The following FBXW11 variants were observed in gnomAD, a reference collection of about 807,000 sequenced individuals.
FBXW11 encodes the protein F-box and WD repeat domain containing 11, also known as F-box/WD repeat-containing protein 11.
FBXW11 carries 19 observed loss-of-function variants against 77.6 expected under a neutral mutation model. That is an observed-to-expected ratio of 0.24 (90% CI 0.17 to 0.36). The LOEUF is 0.36. Among genes scored for constraint, FBXW11 ranks in the 10% least tolerant of loss-of-function variants. FBXW11 has a pLI of 1.00. For synonymous variants in FBXW11, 235 were observed against 249.4 expected (o/e 0.94, Z 0.54); for missense variants, 334 against 704.2 (o/e 0.47, Z 5.95).
At chr5:171,998,895 T>C (rs1471458156) in intron 1 of FBXW11, among the ~76,000 whole-genome samples, 2 of 151,620 alleles carry the variant, frequency 1.3e-5, no homozygotes, top group Non-Finnish European at 2.9e-5. Context: ...TGACAAAGAA[T>C]CTCAAATCCA....
At chr5:171,871,691 G>A (rs1191507368) in intron 10 of FBXW11, among the ~76,000 whole-genome samples, 2 of 152,172 alleles carry the variant, frequency 1.3e-5, no homozygotes, top group Admixed American at 1.3e-4. Context: ...AAAATAAAGT[G>A]AGCAAATTAA....
At chr5:171,969,200 A>G (rs566808284) in intron 1 of FBXW11, among the ~76,000 whole-genome samples, 2 of 152,344 alleles carry the variant, frequency 1.3e-5, no homozygotes, top group South Asian at 2.1e-4. Flanking sequence ...CCCAGGAGGC[A>G]GAGGTTGCAG....
intron 1 of FBXW11, among the ~76,000 whole-genome samples, chr5:172,001,140 T>C (rs950536500): frequency 6.6e-6 from 1 of 152,202 alleles, no homozygotes; most frequent in Non-Finnish European, 1.5e-5. Context: ...ACCTTTGTCT[T>C]AAGATATTCA....
chr5:171,967,055 C>T (rs1407658933), intron 1 of FBXW11, among the ~76,000 whole-genome samples: 1 of 152,174 alleles, frequency 6.6e-6, no homozygotes, highest in African/African-American at 2.4e-5. Flanking sequence ...CTTCCTTTAC[C>T]TGACATTAAA....
chr5:171,932,140 G>C (rs1175368095), intron 2 of FBXW11, among the ~76,000 whole-genome samples: 1 of 152,086 alleles, frequency 6.6e-6, no homozygotes, highest in Non-Finnish European at 1.5e-5. Flanking sequence ...CTCCCAAAGT[G>C]CTGGGATTAT....
rs1316479589 is a variant in FBXW11, at chr5:171,863,785, T to C, written c.*342A>G. 6.5e-6 allele frequency: 1 copy of C among 152,678 alleles called. No individual in the cohort carries two copies. Among genetic ancestry groups the C allele is most frequent in the Admixed American group, 6.5e-5 (1 of 15,288 alleles). The allele number at this position is 152,678 out of a possible 1,614,324, so 9.5% of individuals were successfully genotyped here. ...AGCAATATAAATTAGAGGCCAAGTCTTCTCTTGACGGTCGATTTACTTCTG... is the reference window on the plus strand; with the variant it reads ...AGCAATATAAATTAGAGGCCAAGTCCTCTCTTGACGGTCGATTTACTTCTG... On this transcript the variant is annotated 3_prime_UTR_variant, in exon 14 of 14. Coordinates refer to ENST00000517395, the MANE Select transcript of FBXW11 (RefSeq NM_001378974.1).
chr5:171,873,933 C>T (rs930878470), intron 9 of FBXW11, among the ~76,000 whole-genome samples: 3 of 152,146 alleles, frequency 2.0e-5, no homozygotes, highest in Admixed American at 6.5e-5. Flanking sequence ...TGGACCCCTA[C>T]CTCATACCTT....
At chr5:171,933,772 G>A (rs958887540) in intron 2 of FBXW11, among the ~76,000 whole-genome samples, 19 of 152,060 alleles carry the variant, frequency 1.2e-4, no homozygotes, top group Admixed American at 7.9e-4. Flanking sequence ...CTTAAGCTAG[G>A]AATCTTATCA....
chr5:171,994,138 G>C (rs1017328211), intron 1 of FBXW11, among the ~76,000 whole-genome samples: 1 of 152,142 alleles, frequency 6.6e-6, no homozygotes, highest in African/African-American at 2.4e-5. Flanking sequence ...AGAATATATA[G>C]TTTTAGTCTT....
intron 7 of FBXW11, among the ~76,000 whole-genome samples, chr5:171,878,593 A>T (rs890144508): frequency 2.9e-4 from 17 of 59,490 alleles, no homozygotes; most frequent in East Asian, 7.9e-4. Flanking sequence ...TGTGTGTGTA[A>T]GAGAGAGAGA....
intron 6 of FBXW11, among the ~76,000 whole-genome samples, chr5:171,893,480 G>A (rs1444476499): frequency 2.6e-5 from 3 of 115,818 alleles, no homozygotes; most frequent in Admixed American, 1.1e-4. Context: ...CTCTATCAAA[G>A]TAGACAACAG....
intron 1 of FBXW11, among the ~76,000 whole-genome samples, chr5:171,966,003 G>A (rs146652515): frequency 1.4e-4 from 22 of 152,136 alleles, no homozygotes; most frequent in African/African-American, 4.3e-4. Context: ...CTGCATCAGC[G>A]TGGTAAGACA....
intron 1 of FBXW11, among the ~76,000 whole-genome samples, chr5:171,967,883 TACACAC>T (rs59469025): frequency 6.0e-4 from 45 of 74,938 alleles, no homozygotes; most frequent in African/African-American, 2.4e-3. Flanking sequence ...TATATATATA[TACACAC>T]ACACACACAC....
intron 7 of FBXW11, among the ~76,000 whole-genome samples, chr5:171,879,231 C>T (rs572721308): frequency 6.6e-6 from 1 of 152,204 alleles, no homozygotes; most frequent in Non-Finnish European, 1.5e-5. Context: ...AGATTGGCTT[C>T]TTTCACACAG....
chr5:171,957,569 C>CA lies in FBXW11; in HGVS notation c.147+27dup, dbSNP rs754418140. The CA allele has an allele frequency of 3.5e-5, 56 of 1,579,700 alleles. No individual in the cohort carries two copies. In the African/African-American group the frequency reaches 7.0e-4, roughly 20 times the overall value. On this transcript the variant is annotated intron_variant, in intron 2 of 13. Coordinates refer to ENST00000517395, the MANE Select transcript of FBXW11 (RefSeq NM_001378974.1). Reference sequence around the variant, plus strand: ...AATGTTCATGGCATACGTAAAAACACATTTACAACAAGAAAGAAGAGAGGC... The same window carrying CA: ...AATGTTCATGGCATACGTAAAAACACAATTTACAACAAGAAAGAAGAGAGGC...
chr5:171,954,140 T>C (rs551988286), intron 2 of FBXW11, among the ~76,000 whole-genome samples: 20 of 152,340 alleles, frequency 1.3e-4, no homozygotes, highest in Admixed American at 1.0e-3. Context: ...GTCTATTACA[T>C]CATGCTGCTG....
intron 1 of FBXW11, among the ~76,000 whole-genome samples, chr5:172,000,097 C>G (rs1225112061): frequency 6.6e-6 from 1 of 152,154 alleles, no homozygotes; most frequent in Non-Finnish European, 1.5e-5. Context: ...CAGAAACTAA[C>G]CAAGGGTAAC....
intron 7 of FBXW11, among the ~76,000 whole-genome samples, chr5:171,881,122 T>C (rs1297669920): frequency 1.3e-5 from 2 of 151,756 alleles, no homozygotes; most frequent in Non-Finnish European, 2.9e-5. Context: ...TTCTAGGAGG[T>C]TTTTTTTGTT....
At chr5:171,864,230 G>A (rs543769873) in intron 13 of FBXW11, 129 bp from the exon 14 acceptor site, 3 of 152,386 alleles carry the variant, frequency 2.0e-5, no homozygotes, top group South Asian at 4.1e-4. Flanking sequence ...AGCAGAAGCT[G>A]TAAGTTGTTC....
Sources: allele counts gnomAD v4.1 joint callset (sites outside exome capture counted in the v4.1 genomes callset), GRCh38; gene constraint gnomAD v4.1.1; transcripts MANE v1.5; gene names NCBI Gene and HGNC (gene_info 2026-07-23, HGNC 2026-07-21).